MYRF: variants seen among roughly 807,000 people sequenced by gnomAD.
The protein encoded by MYRF is myelin regulatory factor, also known as myelin gene regulatory factor.
Under a neutral mutation model 126.3 loss-of-function variants are expected in MYRF, and 16 were observed. That is an observed-to-expected ratio of 0.13 (90% CI 0.09 to 0.19). The LOEUF (loss-of-function observed/expected upper bound fraction) is 0.19. MYRF is among the 10% of genes least tolerant of loss of function. The pLI is 1.00. For missense variants in MYRF, 1,104 were observed against 1,547.0 expected, an observed-to-expected ratio of 0.71 and a Z score of 4.80; for synonymous variants, 608 against 635.3, an observed-to-expected ratio of 0.96 and a Z score of 0.65.
intron 3 of MYRF, chr11:61,767,257 G>C: frequency 2.2e-6 from 1 of 456,748 alleles, no homozygotes; most frequent in South Asian, 1.5e-5. Context: ...ACAGGCCCCT[G>C]GGGGCAGAGG....
intron 7 of MYRF, 66 bp downstream of exon 7, chr11:61,772,018 C>T (rs2066238654): frequency 6.3e-7 from 1 of 1,593,000 alleles, no homozygotes; most frequent in Non-Finnish European, 8.6e-7. Context: ...CAGCCCAGGA[C>T]CCCATCAAGG....
In MYRF at chr11:61,777,025, C is replaced by G. The variant is rs2066403397; in HGVS notation, c.1590+148C>G. 1.2e-6 allele frequency: 1 copy of G among 828,906 alleles called. No individual in the cohort carries two copies. Among genetic ancestry groups the G allele is most frequent in the Non-Finnish European group, 1.9e-6 (1 of 538,712 alleles). 51.3% of individuals were successfully genotyped at this position (828,906 alleles called of 1,614,324 possible). On this transcript the variant is annotated intron_variant, in intron 11 of 26. Transcript: ENST00000278836. The surrounding 1 kb of genome is among the most constrained non-coding windows in gnomAD (Gnocchi z 8.8). ...TGTGGCCTTGGGCAAAGCTCCCACC[C>G]TCTCTGGGCTGCAGGGTCTCCACAG...
At chr11:61,759,454 G>A (rs1474659529) in intron 1 of MYRF, among the ~76,000 whole-genome samples, 1 of 152,186 alleles carries the variant, frequency 6.6e-6, no homozygotes, top group Non-Finnish European at 1.5e-5. Flanking sequence ...TGGATCACCT[G>A]AGGTCAGGAG....
chr11:61,788,167 G>A lies in MYRF; in HGVS notation c.*2024G>A, dbSNP rs1161266973. The A allele has an allele frequency of 6.5e-6, 1 of 152,766 alleles. No individual in the cohort carries two copies. The highest frequency in any genetic ancestry group is 1.5e-5 in the Non-Finnish European group (1 of 68,152). The allele number at this position is 152,766 out of a possible 1,614,324, so 9.5% of individuals were successfully genotyped here. A position where few individuals can be genotyped will look rare whatever the true frequency, so the allele number is the denominator to read the frequency against. On this transcript the variant is annotated 3_prime_UTR_variant, in exon 27 of 27. Transcript: ENST00000278836. ...TGTCTTGGCCCTGTCCCTGCCCTGG[G>A]GTCCAGCAGGTCATCCCTCCCTTCT... is the stretch of plus-strand genomic sequence containing the variant.
intron 1 of MYRF, among the ~76,000 whole-genome samples, chr11:61,762,363 A>G (rs2065922068): frequency 2.0e-5 from 3 of 152,196 alleles, no homozygotes; most frequent in Admixed American, 6.5e-5. Flanking sequence ...TTGTGAGCTC[A>G]TGGTGCTGTT....
At chr11:61,779,700 A>G in intron 16 of MYRF, 130 bp downstream of exon 16, 1 of 1,209,026 alleles carries the variant, frequency 8.3e-7, no homozygotes, top group Non-Finnish European at 1.2e-6. Flanking sequence ...TAGCCCTCCC[A>G]GCCCCGTTTC....
intron 1 of MYRF, 132 bp downstream of exon 1, chr11:61,752,922 C>A: frequency 1.1e-6 from 1 of 879,506 alleles, no homozygotes; most frequent in Non-Finnish European, 1.6e-6. Flanking sequence ...TGGCACCAGC[C>A]CGCCAAGACA....
At chr11:61,763,033 A>G (rs1379298118) in intron 1 of MYRF, among the ~76,000 whole-genome samples, 3 of 151,990 alleles carry the variant, frequency 2.0e-5, no homozygotes, top group Admixed American at 6.6e-5. Context: ...TGGCCAGGAG[A>G]GGAGGGGGCT....
In MYRF at chr11:61,770,270, C is replaced by A. The variant is rs1228551678; in HGVS notation, c.485C>A (p.Thr162Asn). The part of the protein sequence containing the change: ...VNEPHLLRTI[T>N]PETLCHVGVP... ...GAGCCCCACCTCCTGCGCACGATAA[C>A]CCCTGAGACACTGTGCCACGTGGGA... Residue 162 changes from threonine to asparagine, a missense_variant, in exon 5 of 27, where the codon ACC (threonine) becomes AAC (asparagine). Around this residue, in one of 10 missense-constraint regions of MYRF, gnomAD observed 368 missense variants for 403.9 expected, o/e 0.91. Transcript: ENST00000278836. 4.4e-6 allele frequency: 7 copies of A among 1,608,732 alleles called. No homozygotes were observed. Among genetic ancestry groups the A allele is most frequent in the South Asian group, 3.3e-5 (3 of 90,524 alleles).
In MYRF at chr11:61,786,267, C is replaced by G. The variant is rs376889849; in HGVS notation, c.*124C>G. The G allele has an allele frequency of 1.1e-6, 1 of 899,506 alleles. No homozygotes were observed. The highest frequency in any genetic ancestry group is 1.7e-6 in the Non-Finnish European group (1 of 572,136). 55.7% of individuals were successfully genotyped at this position (899,506 alleles called of 1,614,324 possible). A position where few individuals can be genotyped will look rare whatever the true frequency, so the allele number is the denominator to read the frequency against. On this transcript the variant is annotated 3_prime_UTR_variant, in exon 27 of 27. Coordinates refer to ENST00000278836, the MANE Select transcript of MYRF (RefSeq NM_001127392.3). This position sits in a 1 kb window ranked among gnomAD's most constrained non-coding sequence, Gnocchi z 4.5. ...AGCTCTGCTGTTCACTGGCCCTACC[C>G]GAGACTGGTGAAACTGGAAGTCTTC...
rs1412250380 is a variant in MYRF, at chr11:61,757,458, ATTG to A, written c.46+4669_46+4671del. 5 of 455,568 alleles carry A rather than the reference ATTG, an allele frequency of 1.1e-5. No individual in the cohort carries two copies. Among genetic ancestry groups the A allele is most frequent in the Non-Finnish European group, 2.2e-5 (5 of 226,444 alleles). The allele number at this position is 455,568 out of a possible 1,614,324, so 28.2% of individuals were successfully genotyped here. Reference sequence around the variant, plus strand: ...TTGTGCCTGGCCTGGTGAACACTCCATTGGTCCATGGCAGGTGTTCTGCGCCCT... The same window carrying A: ...TTGTGCCTGGCCTGGTGAACACTCCAGTCCATGGCAGGTGTTCTGCGCCCT... On this transcript the variant is annotated intron_variant, in intron 1 of 26. Coordinates refer to ENST00000278836, the MANE Select transcript of MYRF (RefSeq NM_001127392.3). This position sits in a 1 kb window ranked among gnomAD's most constrained non-coding sequence, Gnocchi z 4.7.
In MYRF at chr11:61,786,005, G is replaced by T. The variant is rs377239864; in HGVS notation, c.3376-58G>T. The T allele has an allele frequency of 2.1e-4, 325 of 1,572,864 alleles. 3 individuals are homozygous for T. The South Asian group carries it at 3.5e-3, about 17-fold the overall frequency. ...CAGTGTCAAGCAATGTCAGCAGGGA[G>T]TGCCATCTGCCCCGCACCCCCAGAG... On this transcript the variant is annotated intron_variant, in intron 26 of 26. Transcript: ENST00000278836. The surrounding 1 kb of genome is among the most constrained non-coding windows in gnomAD (Gnocchi z 4.5).
chr11:61,782,252 A>T (rs1187907469), intron 22 of MYRF: 2 of 160,990 alleles, frequency 1.2e-5, no homozygotes, highest in Non-Finnish European at 2.7e-5. Context: ...CTTTTATTGT[A>T]GTTTTCAAAC....
chr11:61,761,346 C>T (rs405626), intron 1 of MYRF, among the ~76,000 whole-genome samples: 1 of 152,112 alleles, frequency 6.6e-6, no homozygotes, highest in Non-Finnish European at 1.5e-5. Context: ...TGCTCTCATC[C>T]TGCACCTGGC....
At chr11:61,755,306 C>T (rs2065718073) in intron 1 of MYRF, 14 of 1,472,476 alleles carry the variant, frequency 9.5e-6, no homozygotes, top group Admixed American at 4.5e-5. Flanking sequence ...GACAGAGCGG[C>T]CCCCTCGAGG....
intron 8 of MYRF, among the ~76,000 whole-genome samples, chr11:61,774,995 T>C (rs1428655369): frequency 6.6e-6 from 1 of 152,170 alleles, no homozygotes; most frequent in Non-Finnish European, 1.5e-5. Context: ...CTTGGTTACC[T>C]GAGCCGCAAA....
At position 61,783,441 on chromosome 11, in the gene MYRF, A is replaced by G; in HGVS notation, c.3017-57A>G. On this transcript the variant is annotated intron_variant, in intron 22 of 26. Transcript: ENST00000278836. The surrounding 1 kb of genome is among the most constrained non-coding windows in gnomAD (Gnocchi z 4.6). ...TGACTGCTTCAAGTCTGGCAAGGAAAGACTTGCCAGCTTCTCATTTGTGTC... is the reference window on the plus strand; with the variant it reads ...TGACTGCTTCAAGTCTGGCAAGGAAGGACTTGCCAGCTTCTCATTTGTGTC... 1.4e-6 allele frequency: 2 copies of G among 1,388,190 alleles called. No individual in the cohort carries two copies. Among genetic ancestry groups the G allele is most frequent in the Non-Finnish European group, 2.0e-6 (2 of 982,360 alleles). The allele number at this position is 1,388,190 out of a possible 1,614,324, so 86.0% of individuals were successfully genotyped here.
chr11:61,772,079 C>T lies in MYRF; in HGVS notation c.1115+127C>T, dbSNP rs1007735822. On this transcript the variant is annotated intron_variant, in intron 7 of 26. Transcript: ENST00000278836. Reference sequence around the variant, plus strand: ...CATTTCACAGAAGAGCAAACAGGCTCAGGGAAGAGCCAGGACTGGCAGTCA... The same window carrying T: ...CATTTCACAGAAGAGCAAACAGGCTTAGGGAAGAGCCAGGACTGGCAGTCA... 189 of 1,371,042 alleles carry T rather than the reference C, an allele frequency of 1.4e-4. 4 individuals are homozygous for T. Among genetic ancestry groups the T allele is most frequent in the South Asian group, 8.0e-4 (57 of 71,214 alleles). 84.9% of individuals were successfully genotyped at this position (1,371,042 alleles called of 1,614,324 possible).
intron 1 of MYRF, among the ~76,000 whole-genome samples, chr11:61,762,766 G>A (rs879403884): frequency 3.9e-5 from 6 of 152,148 alleles, no homozygotes; most frequent in African/African-American, 9.7e-5. Flanking sequence ...TGGGGTCAGC[G>A]TTCCTCAGGA....
Sources: allele counts gnomAD v4.1 joint callset (sites outside exome capture counted in the v4.1 genomes callset), GRCh38; gene constraint gnomAD v4.1.1; regional missense constraint gnomAD v4.1.1; non-coding constraint Gnocchi (gnomAD v3.1); transcripts MANE v1.5; gene names NCBI Gene and HGNC (gene_info 2026-07-23, HGNC 2026-07-21).